Variants in BSN observed in about 807,000 individuals in gnomAD.
The protein encoded by BSN is protein bassoon.
A neutral mutation model predicts 264.8 loss-of-function variants in BSN; 57 were observed. The ratio of observed to expected loss-of-function variants is 0.22; its 90% CI spans 0.17 to 0.27. The LOEUF (loss-of-function observed/expected upper bound fraction) is 0.27, where lower values mean the gene tolerates loss of function less well. Ranked by LOEUF, BSN falls within the 10% of genes least tolerant of loss-of-function variation. The pLI is 1.00. For synonymous variants in BSN, 2,059 were observed against 2,137.3 expected (o/e 0.96, Z 1.01); for missense variants, 4,615 against 5,232.5 (o/e 0.88, Z 3.64).
chr3:49,652,968 G>T lies in BSN; in HGVS notation c.3412G>T (p.Ala1138Ser). The T allele has an allele frequency of 6.2e-7, 1 of 1,612,826 alleles. No individual in the cohort carries two copies. The highest frequency in any genetic ancestry group is 8.5e-7 in the Non-Finnish European group (1 of 1,179,454). ...ACCCTCCCTTGACTCTGAGGCTGAG[G>T]CCTTGGATGGTGGCCCTAGCCGGCT... is the stretch of plus-strand genomic sequence containing the variant. ...PSPSLDSEAEALDGGPSRLYK... is the reference protein window; with the variant it reads ...PSPSLDSEAESLDGGPSRLYK... The change falls in exon 5 of 12, where the codon GCC (alanine) becomes TCC (serine). Residue 1138 changes from alanine to serine, a missense_variant. Ala to Ser is a moderately conservative substitution (Grantham distance 99). Transcript: ENST00000296452.
At position 49,652,938 on chromosome 3, in the gene BSN, C is replaced by A; in HGVS notation, c.3382C>A (p.Pro1128Thr). 6.2e-7 allele frequency: 1 copy of A among 1,610,502 alleles called. No homozygotes were observed. Among genetic ancestry groups the A allele is most frequent in the Non-Finnish European group, 8.5e-7 (1 of 1,178,172 alleles). ...CCGCTCCTCCTGCTCTGAGTACTCA[C>A]CCTCACCCTCCCTTGACTCTGAGGC... is the stretch of plus-strand genomic sequence containing the variant. ...LHRSSCSEYS[P>T]SPSLDSEAEA... Residue 1128 changes from proline (P) to threonine (T), a missense_variant, in exon 5 of 12, where the codon CCC becomes ACC. Transcript: ENST00000296452.
In BSN at chr3:49,653,725, C is replaced by T. The variant is rs747049211; in HGVS notation, c.4169C>T (p.Pro1390Leu). 3.7e-6 allele frequency: 6 copies of T among 1,613,962 alleles called. 1 individual carries two copies. The highest frequency in any genetic ancestry group is 3.3e-5 in the South Asian group (3 of 91,076). The stretch of plus-strand genomic sequence containing the variant: ...GCCACCACAGCTGTGGCTCCTTGTC[C>T]AGCTGGGCTGCCACGAGGATATATG... ...TPATTAVAPC[P>L]AGLPRGYMTP... is the part of the protein sequence containing the mutation. Residue 1390 changes from proline (P) to leucine (L), a missense_variant, in exon 5 of 12, where the codon CCA becomes CTA. This residue lies in a region of BSN where 3,415 missense variants were observed against 3,866.4 expected (regional missense o/e 0.88). Coordinates refer to ENST00000296452, the MANE Select transcript of BSN (RefSeq NM_003458.4). The surrounding 1 kb of genome is among the most constrained non-coding windows in gnomAD (Gnocchi z 6.3).
In BSN at chr3:49,638,296, A is replaced by G. The variant is rs115066934; in HGVS notation, c.634-3972A>G. Among the ~76,000 whole-genome samples, 1,654 of 78,322 alleles carry G rather than the reference A, an allele frequency of 0.021. 35 individuals carry two copies. Among genetic ancestry groups the G allele is most frequent in the African/African-American group, 0.074 (1,539 of 20,708 alleles). The allele number at this position is 78,322 out of a possible 152,430, so 51.4% of individuals were successfully genotyped here. A position where few individuals can be genotyped will look rare whatever the true frequency, so the allele number is the denominator to read the frequency against. On this transcript the variant is annotated intron_variant, in intron 2 of 11. Coordinates refer to ENST00000296452, the MANE Select transcript of BSN (RefSeq NM_003458.4). The surrounding 1 kb of genome is among the most constrained non-coding windows in gnomAD (Gnocchi z 4.3). Reference sequence around the variant, plus strand: ...GTCTGCCACAGAACTATTCATGTATACCCAGGCTGGGTGGGCGGGTGGGTT... The same window carrying G: ...GTCTGCCACAGAACTATTCATGTATGCCCAGGCTGGGTGGGCGGGTGGGTT...
chr3:49,650,624 C>T lies in BSN; in HGVS notation c.1531C>T (p.Leu511Phe). ...CATTTCCTTGCAGAAAACAGAGTGG[C>T]TCTGTCTGAACTGCCAAACCAAGCG... ...TPHLVEKTEW[L>F]CLNCQTKRLL... Residue 511 changes from leucine (L) to phenylalanine (F), a missense_variant, in exon 4 of 12, where the codon CTC (leucine) becomes TTC (phenylalanine). Leu to Phe is a conservative substitution (Grantham distance 22, BLOSUM62 0). Coordinates refer to ENST00000296452, the MANE Select transcript of BSN (RefSeq NM_003458.4). The T allele has an allele frequency of 6.3e-7, 1 of 1,599,048 alleles. No homozygotes were observed. Among genetic ancestry groups the T allele is most frequent in the Non-Finnish European group, 8.5e-7 (1 of 1,176,264 alleles).
rs2052582744 is a variant in BSN, at chr3:49,654,897, G to C, written c.5341G>C (p.Val1781Leu). The C allele has an allele frequency of 6.2e-7, 1 of 1,613,300 alleles. No homozygotes were observed. Among genetic ancestry groups the C allele is most frequent in the Non-Finnish European group, 8.5e-7 (1 of 1,179,844 alleles). The change falls in exon 5 of 12, where the codon GTC (valine) becomes CTC (leucine). Residue 1781 changes from valine (V) to leucine (L), a missense_variant. Transcript: ENST00000296452. The surrounding 1 kb of genome is among the most constrained non-coding windows in gnomAD (Gnocchi z 4.1). The stretch of plus-strand genomic sequence containing the variant: ...CCAGGTCAAACAAGTAGAGCAGGCT[G>C]TCCAGACAGCCCCATACCGAAGTGG... ...LAQVKQVEQA[V>L]QTAPYRSGPR...
intron 1 of BSN, among the ~76,000 whole-genome samples, chr3:49,618,909 A>T (rs2052281699): frequency 6.6e-6 from 1 of 152,254 alleles, no homozygotes; most frequent in Non-Finnish European, 1.5e-5. Flanking sequence ...TTTTAAAAAA[A>T]TATTTTAATT....
chr3:49,602,917 G>A (rs2052083430), intron 1 of BSN, among the ~76,000 whole-genome samples: 1 of 152,210 alleles, frequency 6.6e-6, no homozygotes. Flanking sequence ...TTCAGATCAC[G>A]CTCATGGGCA....
intron 1 of BSN, among the ~76,000 whole-genome samples, chr3:49,599,883 CTG>C (rs774834007): frequency 3.3e-5 from 5 of 152,186 alleles, no homozygotes; most frequent in Admixed American, 2.6e-4. Flanking sequence ...AACATGGACT[CTG>C]TCGTTAAGGA....
chr3:49,624,107 T>C (rs1410836932), intron 1 of BSN, among the ~76,000 whole-genome samples: 2 of 151,842 alleles, frequency 1.3e-5, no homozygotes, highest in Admixed American at 1.3e-4. Flanking sequence ...TTCACGCCAT[T>C]CTTCTGCCTC....
intron 1 of BSN, among the ~76,000 whole-genome samples, chr3:49,563,298 C>T (rs1428485840): frequency 2.6e-5 from 4 of 152,110 alleles, no homozygotes; most frequent in African/African-American, 4.8e-5. Context: ...GGTTGGTTGG[C>T]CAGCCAGCAA....
intron 2 of BSN, among the ~76,000 whole-genome samples, chr3:49,635,808 C>G (rs2052416103): frequency 6.6e-6 from 1 of 151,920 alleles, no homozygotes; most frequent in African/African-American, 2.4e-5. Flanking sequence ...AACCCTGTCT[C>G]TACCAAAAAA....
chr3:49,656,979 G>T lies in BSN; in HGVS notation c.7423G>T (p.Ala2475Ser), dbSNP rs141263366. The T allele has an allele frequency of 1.9e-6, 3 of 1,609,076 alleles. No individual in the cohort carries two copies. The highest frequency in any genetic ancestry group is 2.5e-6 in the Non-Finnish European group (3 of 1,177,156). Residue 2475 changes from alanine to serine, a missense_variant, in exon 5 of 12, where the codon GCT becomes TCT. Coordinates refer to ENST00000296452, the MANE Select transcript of BSN (RefSeq NM_003458.4). ...AGAGGAGCAGAAGCAGCGGCAGAAG[G>T]CTCCCTTTCCTGCAGCCTGTGAGGC... ...QLEEQKQRQK[A>S]PFPAACEAPG...
chr3:49,664,574 G>T lies in BSN; in HGVS notation c.11740+20G>T. The T allele has an allele frequency of 1.3e-6, 2 of 1,578,506 alleles. No homozygotes were observed. The highest frequency in any genetic ancestry group is 1.7e-6 in the Non-Finnish European group (2 of 1,163,124). On this transcript the variant is annotated intron_variant, in intron 9 of 11. Transcript: ENST00000296452. ...CGGAAGGTATGCACTGCCTGCAACT[G>T]GTCTGTGGTGGGTGGCTACTCTGGT...
intron 1 of BSN, among the ~76,000 whole-genome samples, chr3:49,620,420 G>A (rs1373698674): frequency 2.7e-5 from 4 of 148,772 alleles, no homozygotes; most frequent in African/African-American, 9.9e-5. Context: ...GTGAGACTCC[G>A]TCTCAAAAAC....
At chr3:49,594,792 A>C (rs976474828) in intron 1 of BSN, among the ~76,000 whole-genome samples, 1 of 152,086 alleles carries the variant, frequency 6.6e-6, no homozygotes, top group Non-Finnish European at 1.5e-5. Context: ...TACATTGACT[A>C]TGTTCAGTCC....
chr3:49,574,636 T>C (rs1339198307), intron 1 of BSN, among the ~76,000 whole-genome samples: 4 of 133,908 alleles, frequency 3.0e-5, no homozygotes, highest in African/African-American at 8.4e-5. Flanking sequence ...GTTTCTTTTT[T>C]TTTTTTTTTT....
chr3:49,619,864 G>A (rs2052290512), intron 1 of BSN, among the ~76,000 whole-genome samples: 1 of 152,126 alleles, frequency 6.6e-6, no homozygotes, highest in Non-Finnish European at 1.5e-5. Flanking sequence ...GAGTCATTTA[G>A]TGCTTACAGT....
Position 49,642,583 on chromosome 3 carries a change from C to A in BSN, c.949C>A (p.Pro317Thr). Residue 317 changes from proline (P) to threonine (T), a missense_variant, in exon 3 of 12, where the codon CCC (proline) becomes ACC (threonine). Physicochemically the swap from Pro to Thr is conservative, Grantham distance 38. This residue lies in a region of BSN where 1,197 missense variants were observed against 1,348.0 expected (regional missense o/e 0.89). Coordinates refer to ENST00000296452, the MANE Select transcript of BSN (RefSeq NM_003458.4). The surrounding 1 kb of genome is among the most constrained non-coding windows in gnomAD (Gnocchi z 7.0). ...PQPTKPSTAE[P>T]RPPAGEAPAK... ...ACCCACCAAGCCTTCCACAGCTGAG[C>A]CCAGGCCACCTGCAGGAGAGGCCCC... is the stretch of plus-strand genomic sequence containing the variant. 6.2e-7 allele frequency: 1 copy of A among 1,605,742 alleles called. No homozygotes were observed. Among genetic ancestry groups the A allele is most frequent in the South Asian group, 1.1e-5 (1 of 90,412 alleles).
At chr3:49,571,907 A>G (rs564344123) in intron 1 of BSN, among the ~76,000 whole-genome samples, 1 of 152,218 alleles carries the variant, frequency 6.6e-6, no homozygotes, top group African/African-American at 2.4e-5. Flanking sequence ...TTTTCCAGAG[A>G]CCCTGCTTTA....
Sources: gnomAD v4.1 joint callset for allele counts (sites outside exome capture counted in the v4.1 genomes callset) on GRCh38, gnomAD v4.1.1 for gene constraint, gnomAD v4.1.1 regional missense constraint, Gnocchi (gnomAD v3.1) non-coding constraint, MANE v1.5 for transcripts, NCBI Gene and HGNC (gene_info 2026-07-23, HGNC 2026-07-21) for gene names.